CALN1: variants seen among roughly 807,000 people sequenced by gnomAD.
CALN1 encodes the protein calcium-binding protein 8.
CALN1 carries 17 observed loss-of-function variants against 30.6 expected under a neutral mutation model. That is an observed-to-expected ratio of 0.56 (90% CI 0.38 to 0.83). The LOEUF (loss-of-function observed/expected upper bound fraction) is 0.83. Among genes scored for constraint, CALN1 ranks in the 40% least tolerant of loss-of-function variants. The probability of loss-of-function intolerance (pLI) is 0.00; values close to 1 mark genes in which losing one functional copy is unlikely to be tolerated. For missense variants in CALN1, 291 were observed against 354.9 expected (o/e 0.82, Z 1.45); for synonymous variants, 156 against 131.4 (o/e 1.19, Z -1.28).
intron 2 of CALN1, among the ~76,000 whole-genome samples, chr7:72,323,567 G>T (rs1801048982): frequency 6.6e-6 from 1 of 151,766 alleles, no homozygotes; most frequent in Admixed American, 6.6e-5. Context: ...GGAGGCCAAG[G>T]CAGGGGAATA....
chr7:72,198,408 T>TA (rs1400517803), intron 3 of CALN1, among the ~76,000 whole-genome samples: 4 of 152,202 alleles, frequency 2.6e-5, no homozygotes, highest in African/African-American at 7.2e-5. Context: ...TGAGATTAGA[T>TA]AAAAACATCA....
chr7:71,943,287 T>C (rs151142808), intron 5 of CALN1, among the ~76,000 whole-genome samples: 209 of 152,344 alleles, frequency 1.4e-3, no homozygotes, highest in African/African-American at 4.5e-3. Context: ...TTTTAAAATA[T>C]AGAGTAGATA....
At chr7:72,214,151 T>G (rs535349696) in intron 3 of CALN1, among the ~76,000 whole-genome samples, 22 of 152,346 alleles carry the variant, frequency 1.4e-4, no homozygotes, top group African/African-American at 5.3e-4. Context: ...CCACCATAAC[T>G]ATTGACTAGT....
chr7:72,473,869 C>T, the CALN1 span, among the ~76,000 whole-genome samples: 48 of 150,078 alleles, frequency 3.2e-4, no homozygotes, highest in Admixed American at 1.2e-3. Flanking sequence ...GCGGAGGTTG[C>T]AGTGAGCCGA....
At chr7:71,881,750 C>T (rs1426962853) in intron 5 of CALN1, among the ~76,000 whole-genome samples, 2 of 152,058 alleles carry the variant, frequency 1.3e-5, no homozygotes, top group East Asian at 3.9e-4. Context: ...CACTTAGTGG[C>T]TTACAACACA....
At chr7:72,053,680 G>A (rs1268096981) in intron 4 of CALN1, among the ~76,000 whole-genome samples, 1 of 151,914 alleles carries the variant, frequency 6.6e-6, no homozygotes, top group Non-Finnish European at 1.5e-5. Flanking sequence ...TGGGGTACAG[G>A]TGGTATTTGA....
intron 3 of CALN1, among the ~76,000 whole-genome samples, chr7:72,222,935 C>T (rs1365383657): frequency 1.3e-5 from 2 of 152,184 alleles, no homozygotes; most frequent in East Asian, 1.9e-4. Context: ...GCAGGAGGAT[C>T]GCTTCAGCCC....
intron 3 of CALN1, among the ~76,000 whole-genome samples, chr7:72,181,826 A>C (rs774381814): frequency 1.3e-5 from 2 of 152,204 alleles, no homozygotes; most frequent in Non-Finnish European, 2.9e-5. Flanking sequence ...TTACTTCCAC[A>C]TAACAATGAC....
chr7:71,959,027 G>T (rs1232311194), intron 5 of CALN1, among the ~76,000 whole-genome samples: 2 of 152,200 alleles, frequency 1.3e-5, no homozygotes, highest in Non-Finnish European at 2.9e-5. Flanking sequence ...TCACTTGTTA[G>T]TTATAAAAGA....
chr7:72,316,482 G>C (rs545421465), intron 2 of CALN1, among the ~76,000 whole-genome samples: 3 of 152,164 alleles, frequency 2.0e-5, no homozygotes, highest in African/African-American at 7.2e-5. Context: ...ACAGAGTAAA[G>C]ACACACAACA....
intron 4 of CALN1, among the ~76,000 whole-genome samples, chr7:72,082,146 C>T (rs541576268): frequency 1.6e-4 from 25 of 152,042 alleles, no homozygotes; most frequent in East Asian, 1.9e-4. Flanking sequence ...GCCACCGGGC[C>T]GGCTAATTTT....
intron 2 of CALN1, among the ~76,000 whole-genome samples, chr7:72,293,549 GAA>G: frequency 6.6e-6 from 1 of 152,254 alleles, no homozygotes; most frequent in East Asian, 1.9e-4. Flanking sequence ...AGGGAATCTG[GAA>G]ATGTAGTTTG....
intron 5 of CALN1, among the ~76,000 whole-genome samples, chr7:71,971,973 GAAAGAAAGAA>G (rs1797851821): frequency 1.0e-5 from 1 of 96,870 alleles, no homozygotes; most frequent in Non-Finnish European, 2.2e-5. Flanking sequence ...AAGAAAGAAA[GAAAGAAAGAA>G]AGAAAGAAAG....
intron 3 of CALN1, among the ~76,000 whole-genome samples, chr7:72,136,402 T>C (rs1230891044): frequency 6.6e-6 from 1 of 151,824 alleles, no homozygotes; most frequent in Non-Finnish European, 1.5e-5. Flanking sequence ...CTTCATAGAA[T>C]TGAAAAGAGT....
At chr7:72,439,812 C>T (rs1808295441) in intron 1 of CALN1, among the ~76,000 whole-genome samples, 2 of 151,910 alleles carry the variant, frequency 1.3e-5, no homozygotes, top group Non-Finnish European at 2.9e-5. Flanking sequence ...CTCCTGACCT[C>T]ATGATCCACC....
intron 5 of CALN1, among the ~76,000 whole-genome samples, chr7:71,922,587 G>A (rs1025839890): frequency 6.5e-5 from 8 of 122,244 alleles, no homozygotes; most frequent in Non-Finnish European, 1.0e-4. Context: ...CACACAGAAT[G>A]TATTATATAT....
At chr7:72,223,778 G>T (rs968055908) in intron 3 of CALN1, among the ~76,000 whole-genome samples, 1 of 152,194 alleles carries the variant, frequency 6.6e-6, no homozygotes, top group African/African-American at 2.4e-5. Flanking sequence ...ATTGGGTAAA[G>T]AAAATGTGGT....
At chr7:71,931,020 T>C (rs569555571) in intron 5 of CALN1, among the ~76,000 whole-genome samples, 1 of 152,304 alleles carries the variant, frequency 6.6e-6, no homozygotes, top group South Asian at 2.1e-4. Context: ...TTAGGCTTTG[T>C]GTGCCAGAAG....
chr7:71,852,647 GTGA>G (rs1327251657), intron 5 of CALN1, among the ~76,000 whole-genome samples: 2 of 151,960 alleles, frequency 1.3e-5, no homozygotes, highest in Non-Finnish European at 2.9e-5. Context: ...GTTTTCCAAA[GTGA>G]TCGTAACATT....
Sources: allele counts gnomAD v4.1 joint callset (sites outside exome capture counted in the v4.1 genomes callset), GRCh38; gene constraint gnomAD v4.1.1; transcripts MANE v1.5; gene names NCBI Gene and HGNC (gene_info 2026-07-23, HGNC 2026-07-21).